The following NXPE2 variants were observed in gnomAD, a reference collection of about 807,000 sequenced individuals.
The protein encoded by NXPE2 is NXPE family member 2.
NXPE2 carries 34 observed loss-of-function variants against 34.4 expected under a neutral mutation model. The ratio of observed to expected loss-of-function variants is 0.99; its 90% CI spans 0.75 to 1.31. The LOEUF is 1.31. Among genes scored for constraint, NXPE2 ranks in the 40% most tolerant of loss-of-function variants. The pLI, the probability that NXPE2 is intolerant of heterozygous loss-of-function variation, is 0.00. For missense variants in NXPE2, 649 were observed against 672.5 expected (o/e 0.97, Z 0.39); for synonymous variants, 235 against 231.3 (o/e 1.02, Z -0.15).
the NXPE2 span, among the ~76,000 whole-genome samples, chr11:114,607,187 G>A: frequency 2.7e-5 from 4 of 150,900 alleles, no homozygotes; most frequent in African/African-American, 9.7e-5. Flanking sequence ...CATCGTGGGT[G>A]ACAATTCTTA....
At chr11:114,563,013 G>A in the NXPE2 span, among the ~76,000 whole-genome samples, 181 of 152,274 alleles carry the variant, frequency 1.2e-3, 2 homozygotes, top group Admixed American at 9.2e-3. Context: ...AACTGTGCTA[G>A]TACCAATCAC....
At chr11:114,711,909 C>A (rs1565394793), downstream of NXPE2, among the ~76,000 whole-genome samples, 1 of 152,008 alleles carries the variant, frequency 6.6e-6, no homozygotes. Context: ...GCTATGTAGA[C>A]CAATGGAACA....
chr11:114,615,809 C>G, the NXPE2 span, among the ~76,000 whole-genome samples: 3 of 151,612 alleles, frequency 2.0e-5, no homozygotes, highest in Non-Finnish European at 4.4e-5. Context: ...ATAAGTATTG[C>G]ATCCTGGGTA....
chr11:114,779,550 C>T, the NXPE2 span, among the ~76,000 whole-genome samples: 7 of 152,116 alleles, frequency 4.6e-5, no homozygotes, highest in Non-Finnish European at 7.4e-5. Flanking sequence ...CAAGTTCTTG[C>T]TGTGAGCTTT....
At chr11:114,645,243 G>C in the NXPE2 span, among the ~76,000 whole-genome samples, 1 of 152,114 alleles carries the variant, frequency 6.6e-6, no homozygotes, top group East Asian at 1.9e-4. Context: ...AGAAGCTGCA[G>C]TGAGCTGAGA....
At chr11:114,721,304 C>A in the NXPE2 span, among the ~76,000 whole-genome samples, 1,333 of 150,472 alleles carry the variant, frequency 8.9e-3, 19 homozygotes, top group African/African-American at 0.03. Context: ...CCTCAGGGAG[C>A]AATACATGAT....
chr11:114,507,764 T>G, the NXPE2 span, among the ~76,000 whole-genome samples: 1 of 151,918 alleles, frequency 6.6e-6, no homozygotes, highest in Admixed American at 6.6e-5. Flanking sequence ...GAGCCATATA[T>G]GACAAACCCA....
At chr11:114,516,464 C>G in the NXPE2 span, among the ~76,000 whole-genome samples, 2 of 152,154 alleles carry the variant, frequency 1.3e-5, no homozygotes, top group Non-Finnish European at 2.9e-5. Flanking sequence ...TAAAAACCTA[C>G]ATGTCCATAA....
intron 2 of NXPE2, among the ~76,000 whole-genome samples, chr11:114,683,019 C>G (rs967849597): frequency 2.0e-5 from 3 of 151,892 alleles, no homozygotes; most frequent in African/African-American, 7.2e-5. Context: ...AAATAAACCC[C>G]TTAAGAAAAT....
At chr11:114,603,203 A>C in the NXPE2 span, among the ~76,000 whole-genome samples, 2 of 151,892 alleles carry the variant, frequency 1.3e-5, no homozygotes, top group Admixed American at 1.3e-4. Context: ...CTCGTCTCCT[A>C]GGTAACTCCT....
chr11:114,726,545 C>A, the NXPE2 span, among the ~76,000 whole-genome samples: 14 of 152,020 alleles, frequency 9.2e-5, no homozygotes, highest in Non-Finnish European at 2.1e-4. Context: ...TCTGTCACAC[C>A]TTTATTGTTG....
the NXPE2 span, among the ~76,000 whole-genome samples, chr11:114,547,045 TCCCC>T: frequency 1.8e-4 from 27 of 152,090 alleles, no homozygotes; most frequent in African/African-American, 6.0e-4. Flanking sequence ...ATGCAGATTC[TCCCC>T]ACTCAAGGAG....
the NXPE2 span, among the ~76,000 whole-genome samples, chr11:114,811,320 A>C: frequency 6.8e-6 from 1 of 146,830 alleles, no homozygotes; most frequent in Non-Finnish European, 1.5e-5. Context: ...ATGTACCCTA[A>C]AACTTAAAGT....
chr11:114,640,177 A>T, the NXPE2 span, among the ~76,000 whole-genome samples: 7 of 135,364 alleles, frequency 5.2e-5, no homozygotes, highest in African/African-American at 1.9e-4. Flanking sequence ...TAAATAATTT[A>T]TATATTATAT....
the NXPE2 span, among the ~76,000 whole-genome samples, chr11:114,584,857 G>C: frequency 1.3e-5 from 2 of 152,148 alleles, no homozygotes; most frequent in African/African-American, 4.8e-5. Context: ...GCCCAGGGCA[G>C]CTGTGCTGGG....
At chr11:114,728,354 C>T in the NXPE2 span, among the ~76,000 whole-genome samples, 1 of 152,034 alleles carries the variant, frequency 6.6e-6, no homozygotes, top group Non-Finnish European at 1.5e-5. Context: ...TTCTGCCTTC[C>T]ACACTAGGAT....
chr11:114,739,337 T>TCTC, the NXPE2 span, among the ~76,000 whole-genome samples: 1 of 37,458 alleles, frequency 2.7e-5, no homozygotes, highest in Non-Finnish European at 5.3e-5. Flanking sequence ...CCTTCCTTCC[T>TCTC]TCCCCCCTTC....
At chr11:114,683,286 A>G (rs944309772) in intron 2 of NXPE2, among the ~76,000 whole-genome samples, 2 of 152,086 alleles carry the variant, frequency 1.3e-5, no homozygotes, top group Admixed American at 6.6e-5. Flanking sequence ...TAAATTTACC[A>G]TACAATTCTT....
At chr11:114,651,848 T>C in the NXPE2 span, among the ~76,000 whole-genome samples, 1 of 152,140 alleles carries the variant, frequency 6.6e-6, no homozygotes, top group Non-Finnish European at 1.5e-5. Flanking sequence ...AGAAAAGTTC[T>C]CCAAGTCCCC....
Sources: gnomAD v4.1 joint callset for allele counts (sites outside exome capture counted in the v4.1 genomes callset) on GRCh38, gnomAD v4.1.1 for gene constraint, MANE v1.5 for transcripts, NCBI Gene and HGNC (gene_info 2026-07-23, HGNC 2026-07-21) for gene names.